ERBB4: variants seen among roughly 807,000 people sequenced by gnomAD.
ERBB4 encodes the protein receptor tyrosine-protein kinase erbB-4.
ERBB4 carries 42 observed loss-of-function variants against 158.0 expected under a neutral mutation model. The ratio of observed to expected loss-of-function variants is 0.27; its 90% CI spans 0.21 to 0.34. The LOEUF (loss-of-function observed/expected upper bound fraction) is 0.34. ERBB4 is among the 10% of genes least tolerant of loss of function. The pLI, the probability that ERBB4 is intolerant of heterozygous loss-of-function variation, is 1.00. For missense variants in ERBB4, 1,333 were observed against 1,624.1 expected, an observed-to-expected ratio of 0.82 and a Z score of 3.08; for synonymous variants, 583 against 558.7, an observed-to-expected ratio of 1.04 and a Z score of -0.61.
chr2:212,383,574 A>G (rs948138291), intron 1 of ERBB4, among the ~76,000 whole-genome samples: 2 of 151,656 alleles, frequency 1.3e-5, no homozygotes, highest in Non-Finnish European at 3.0e-5. Context: ...TTAACATGCA[A>G]TGTTTAACCT....
chr2:211,625,150 C>T (rs1367134534), intron 17 of ERBB4, among the ~76,000 whole-genome samples: 1 of 151,814 alleles, frequency 6.6e-6, no homozygotes, highest in Admixed American at 6.6e-5. Flanking sequence ...AGGTTTTTAT[C>T]TATGTATGAG....
chr2:211,687,480 C>T (rs536057461), intron 12 of ERBB4, among the ~76,000 whole-genome samples: 1 of 131,292 alleles, frequency 7.6e-6, no homozygotes, highest in Non-Finnish European at 1.7e-5. Flanking sequence ...CTCTCTTTTG[C>T]GAGCTTGACT....
At chr2:211,928,584 T>C (rs1038346737) in intron 3 of ERBB4, among the ~76,000 whole-genome samples, 1 of 152,176 alleles carries the variant, frequency 6.6e-6, no homozygotes, top group African/African-American at 2.4e-5. Flanking sequence ...GCACGCCTTT[T>C]ACCATCGGGC....
chr2:212,148,620 C>A (rs372460727), intron 1 of ERBB4, among the ~76,000 whole-genome samples: 2 of 152,008 alleles, frequency 1.3e-5, no homozygotes, highest in African/African-American at 4.8e-5. Flanking sequence ...CTTAATACAT[C>A]AAAGATACCA....
intron 2 of ERBB4, among the ~76,000 whole-genome samples, chr2:212,049,867 T>A (rs572051784): frequency 1.3e-5 from 2 of 152,180 alleles, no homozygotes; most frequent in Non-Finnish European, 2.9e-5. Context: ...ATTAGAACAG[T>A]GGGATATGCT....
At chr2:211,996,414 C>T (rs754563075) in intron 2 of ERBB4, among the ~76,000 whole-genome samples, 15 of 151,768 alleles carry the variant, frequency 9.9e-5, no homozygotes, top group Non-Finnish European at 1.8e-4. Flanking sequence ...AATTTCCATC[C>T]TATTTTAAGA....
chr2:212,505,097 G>C (rs921710190), intron 1 of ERBB4, among the ~76,000 whole-genome samples: 43 of 151,986 alleles, frequency 2.8e-4, no homozygotes, highest in Admixed American at 2.0e-4. Flanking sequence ...TCTTTTGTTT[G>C]TTTGGTTGGT....
At chr2:212,276,833 T>A (rs1479255777) in intron 1 of ERBB4, among the ~76,000 whole-genome samples, 1 of 151,872 alleles carries the variant, frequency 6.6e-6, no homozygotes, top group African/African-American at 2.4e-5. Flanking sequence ...TTAGAAAAGC[T>A]ATGTCATAAG....
intron 1 of ERBB4, among the ~76,000 whole-genome samples, chr2:212,328,114 G>C (rs558015942): frequency 6.6e-6 from 1 of 151,888 alleles, no homozygotes; most frequent in East Asian, 2.0e-4. Context: ...AGGAAACTCA[G>C]TGGTACTCAT....
At chr2:212,075,547 C>G (rs554917443) in intron 2 of ERBB4, among the ~76,000 whole-genome samples, 90 of 151,688 alleles carry the variant, frequency 5.9e-4, no homozygotes, top group African/African-American at 2.0e-3. Flanking sequence ...TATCTCAGAG[C>G]CAGTGGGTCA....
chr2:212,448,044 T>C (rs2092388951), intron 1 of ERBB4, among the ~76,000 whole-genome samples: 1 of 152,090 alleles, frequency 6.6e-6, no homozygotes, highest in East Asian at 1.9e-4. Context: ...TCAAATCCAG[T>C]GATTTCAGCG....
At chr2:212,021,327 G>A (rs756481669) in intron 2 of ERBB4, among the ~76,000 whole-genome samples, 15 of 151,934 alleles carry the variant, frequency 9.9e-5, no homozygotes, top group South Asian at 4.1e-4. Flanking sequence ...GTTTGAAGTC[G>A]GGTAGCATGA....
chr2:212,453,789 C>G (rs1431118845), intron 1 of ERBB4, among the ~76,000 whole-genome samples: 1 of 152,152 alleles, frequency 6.6e-6, no homozygotes, highest in Non-Finnish European at 1.5e-5. Flanking sequence ...AGATTTTAAT[C>G]ATGTTTAACA....
chr2:211,945,905 T>C (rs2080675576), intron 3 of ERBB4, among the ~76,000 whole-genome samples: 1 of 152,032 alleles, frequency 6.6e-6, no homozygotes, highest in Admixed American at 6.6e-5. Context: ...TTCTTTACTA[T>C]AATCAGAGGG....
intron 1 of ERBB4, among the ~76,000 whole-genome samples, chr2:212,478,500 A>G (rs1056775762): frequency 6.6e-6 from 1 of 152,138 alleles, no homozygotes; most frequent in African/African-American, 2.4e-5. Flanking sequence ...GTATTCAGTG[A>G]TAGAAGTCTA....
At chr2:211,530,715 C>G (rs1326319856) in intron 20 of ERBB4, among the ~76,000 whole-genome samples, 1 of 151,966 alleles carries the variant, frequency 6.6e-6, no homozygotes, top group Non-Finnish European at 1.5e-5. Flanking sequence ...TAGTGAAACC[C>G]TATTTCTACA....
intron 20 of ERBB4, among the ~76,000 whole-genome samples, chr2:211,495,674 C>T (rs13028369): frequency 0.15 from 23,386 of 151,928 alleles, 2,160 homozygotes; most frequent in East Asian, 0.38. Flanking sequence ...TGCCAGAAGA[C>T]AACGCAAATA....
intron 3 of ERBB4, among the ~76,000 whole-genome samples, chr2:211,806,277 G>T (rs1171345043): frequency 6.6e-6 from 1 of 152,082 alleles, no homozygotes; most frequent in Non-Finnish European, 1.5e-5. Flanking sequence ...AGACAGCAGG[G>T]ATCAAAATCA....
At chr2:211,418,762 G>C (rs1049357353) in intron 25 of ERBB4, among the ~76,000 whole-genome samples, 1 of 151,972 alleles carries the variant, frequency 6.6e-6, no homozygotes, top group African/African-American at 2.4e-5. Context: ...TATATAATTT[G>C]ATCATTTTGC....
Sources: allele counts gnomAD v4.1 joint callset (sites outside exome capture counted in the v4.1 genomes callset), GRCh38; gene constraint gnomAD v4.1.1; transcripts MANE v1.5; gene names NCBI Gene and HGNC (gene_info 2026-07-23, HGNC 2026-07-21).